SKAP1: variants seen among roughly 807,000 people sequenced by gnomAD.
The protein encoded by SKAP1 is src kinase associated phosphoprotein 1.
A neutral mutation model predicts 58.5 loss-of-function variants in SKAP1; 44 were observed. The observed-to-expected ratio is 0.75, with a 90% CI of 0.59 to 0.97. The LOEUF is 0.97. Ranked by LOEUF, SKAP1 falls within the 50% of genes least tolerant of loss-of-function variation. The pLI is 0.00. For synonymous variants in SKAP1, 127 were observed against 149.7 expected, an observed-to-expected ratio of 0.85 and a Z score of 1.11; for missense variants, 390 against 435.2, an observed-to-expected ratio of 0.90 and a Z score of 0.92.
intron 4 of SKAP1, among the ~76,000 whole-genome samples, chr17:48,261,367 C>A (rs1030085214): frequency 3.9e-5 from 6 of 152,142 alleles, no homozygotes; most frequent in African/African-American, 1.4e-4. Flanking sequence ...TGGCACCAAC[C>A]TTTACCCTCT....
chr17:48,227,544 C>A (rs2065083212), intron 4 of SKAP1, among the ~76,000 whole-genome samples: 1 of 152,128 alleles, frequency 6.6e-6, no homozygotes, highest in South Asian at 2.1e-4. Flanking sequence ...AGCACTAACA[C>A]CTTGTGTTAA....
intron 12 of SKAP1, among the ~76,000 whole-genome samples, chr17:48,135,766 T>A (rs1164493654): frequency 6.6e-6 from 1 of 152,166 alleles, no homozygotes; most frequent in East Asian, 1.9e-4. Flanking sequence ...CCACTGTGCC[T>A]GGCCCTGCAA....
At chr17:48,371,325 A>G (rs906599947) in intron 2 of SKAP1, among the ~76,000 whole-genome samples, 16 of 152,210 alleles carry the variant, frequency 1.1e-4, no homozygotes, top group African/African-American at 3.6e-4. Flanking sequence ...AAACATTGTC[A>G]GGCTTCTGCT....
intron 4 of SKAP1, among the ~76,000 whole-genome samples, chr17:48,203,404 T>C (rs1290322334): frequency 6.6e-6 from 1 of 152,206 alleles, no homozygotes; most frequent in Non-Finnish European, 1.5e-5. Flanking sequence ...TTAGAAGACA[T>C]GCAGCTCGGT....
At chr17:48,386,326 G>GTTT (rs1567893783) in intron 2 of SKAP1, among the ~76,000 whole-genome samples, 7 of 133,676 alleles carry the variant, frequency 5.2e-5, no homozygotes, top group African/African-American at 1.1e-4. Context: ...TTTTTTTTTG[G>GTTT]TGACTATAAG....
chr17:48,210,956 A>G (rs1268341120), intron 4 of SKAP1, among the ~76,000 whole-genome samples: 1 of 152,160 alleles, frequency 6.6e-6, no homozygotes, highest in Non-Finnish European at 1.5e-5. Context: ...GAAAGCCCCA[A>G]ATAATAGAGG....
intron 2 of SKAP1, among the ~76,000 whole-genome samples, chr17:48,364,882 A>G (rs2066982799): frequency 6.6e-6 from 1 of 151,776 alleles, no homozygotes; most frequent in African/African-American, 2.4e-5. Context: ...GAAGTCTTTT[A>G]TTTATCTATT....
intron 1 of SKAP1, chr17:48,397,010 G>T: frequency 4.8e-6 from 1 of 207,466 alleles, no homozygotes; most frequent in Non-Finnish European, 8.4e-6. Context: ...TAGTTAAGAT[G>T]GTAAAATTTA....
intron 11 of SKAP1, among the ~76,000 whole-genome samples, chr17:48,138,654 G>A (rs1347991633): frequency 1.3e-5 from 2 of 152,102 alleles, no homozygotes; most frequent in Non-Finnish European, 2.9e-5. Flanking sequence ...ACAAGCGTGA[G>A]CCACTGCGCC....
chr17:48,206,082 C>T (rs1198468178), intron 4 of SKAP1, among the ~76,000 whole-genome samples: 1 of 152,118 alleles, frequency 6.6e-6, no homozygotes. Flanking sequence ...CCAGGAGAGA[C>T]TAGAAGCACA....
At chr17:48,255,443 T>A (rs2065412852) in intron 4 of SKAP1, among the ~76,000 whole-genome samples, 1 of 150,424 alleles carries the variant, frequency 6.6e-6, no homozygotes, top group South Asian at 2.1e-4. Flanking sequence ...TATATATATT[T>A]ACATATAGTT....
chr17:48,141,538 C>T (rs1329753318), intron 11 of SKAP1, among the ~76,000 whole-genome samples: 3 of 151,710 alleles, frequency 2.0e-5, no homozygotes, highest in East Asian at 3.9e-4. Context: ...CACCACACCT[C>T]GCTGATTTTT....
At chr17:48,147,065 T>C (rs536591020) in intron 11 of SKAP1, among the ~76,000 whole-genome samples, 3 of 152,352 alleles carry the variant, frequency 2.0e-5, no homozygotes, top group South Asian at 2.1e-4. Flanking sequence ...TCTTTTCACA[T>C]TGAATTGGGT....
intron 4 of SKAP1, among the ~76,000 whole-genome samples, chr17:48,309,155 AG>A (rs1157612700): frequency 6.6e-6 from 1 of 152,172 alleles, no homozygotes; most frequent in Non-Finnish European, 1.5e-5. Context: ...AATCTCAAGC[AG>A]GTTTTAGATA....
intron 4 of SKAP1, among the ~76,000 whole-genome samples, chr17:48,245,372 A>G (rs2065284801): frequency 6.6e-6 from 1 of 152,206 alleles, no homozygotes; most frequent in African/African-American, 2.4e-5. Context: ...AAATTACGAT[A>G]GTGACAGGTT....
At chr17:48,193,584 A>G (rs1209678835) in intron 4 of SKAP1, 2 of 615,978 alleles carry the variant, frequency 3.2e-6, no homozygotes, top group Non-Finnish European at 4.1e-6. Flanking sequence ...GCTCAATCTC[A>G]TTAGCTCCAT....
Position 48,430,137 on chromosome 17 carries a change from G to C in SKAP1, c.-17C>G, listed in dbSNP as rs2067899932. The C allele has an allele frequency of 8.0e-7, 1 of 1,257,648 alleles. No homozygotes were observed. Among genetic ancestry groups the C allele is most frequent in the Non-Finnish European group, 1.0e-6 (1 of 993,790 alleles). The allele number at this position is 1,257,648 out of a possible 1,614,324, so 77.9% of individuals were successfully genotyped here. The stretch of plus-strand genomic sequence containing the variant: ...GGCCTGCATTTGGCTGGGCGGGAGA[G>C]AGGCGGGACGGGGCGCGGGCCCTGG... On this transcript the variant is annotated 5_prime_UTR_variant, in exon 1 of 13. Coordinates refer to ENST00000336915, the MANE Select transcript of SKAP1 (RefSeq NM_003726.4).
intron 9 of SKAP1, among the ~76,000 whole-genome samples, chr17:48,179,184 T>C (rs1305192036): frequency 2.6e-5 from 4 of 152,268 alleles, no homozygotes; most frequent in Non-Finnish European, 4.4e-5. Context: ...TAAATTGTTA[T>C]AAATTTAGGC....
At chr17:48,386,533 T>C (rs769383204) in intron 2 of SKAP1, among the ~76,000 whole-genome samples, 2 of 152,228 alleles carry the variant, frequency 1.3e-5, no homozygotes, top group Non-Finnish European at 2.9e-5. Context: ...CCTGAGAGTC[T>C]GCATTGCTAA....
Sources: gnomAD v4.1 joint callset for allele counts (sites outside exome capture counted in the v4.1 genomes callset) on GRCh38, gnomAD v4.1.1 for gene constraint, MANE v1.5 for transcripts, NCBI Gene and HGNC (gene_info 2026-07-23, HGNC 2026-07-21) for gene names.